The following USO1 variants were observed in gnomAD, a reference collection of about 807,000 sequenced individuals.
USO1 encodes USO1 vesicle transport factor, also known as general vesicular transport factor p115.
A neutral mutation model predicts 124.5 loss-of-function variants in USO1; 57 were observed. The ratio of observed to expected loss-of-function variants is 0.46; its 90% CI spans 0.37 to 0.57. USO1 has a LOEUF of 0.57. Among genes scored for constraint, USO1 ranks in the 20% least tolerant of loss-of-function variants. The pLI is 0.00. For synonymous variants in USO1, 369 were observed against 362.8 expected (o/e 1.02, Z -0.19); for missense variants, 900 against 1,040.6 (o/e 0.86, Z 1.86).
intron 13 of USO1, among the ~76,000 whole-genome samples, chr4:75,798,387 G>A (rs146398422): frequency 1.5e-3 from 235 of 152,226 alleles, no homozygotes; most frequent in African/African-American, 4.9e-3. Context: ...TTTGTAACTC[G>A]AGTAGTTGTA....
chr4:75,724,655 G>C lies in USO1; in HGVS notation c.-165G>C, dbSNP rs1720331939. ...CGCATCTTGGCCGCTGCTGGCGGCT[G>C]TTTCCGGGCTTAGAGGGCTGGAGTG... On this transcript the variant is annotated 5_prime_UTR_variant, in exon 1 of 24. Coordinates refer to ENST00000514213, the MANE Select transcript of USO1 (RefSeq NM_003715.4). The C allele has an allele frequency of 1.6e-6, 1 of 644,756 alleles. No homozygotes were observed. Among genetic ancestry groups the C allele is most frequent in the Non-Finnish European group, 2.6e-6 (1 of 378,674 alleles). The allele number at this position is 644,756 out of a possible 1,614,324, so 39.9% of individuals were successfully genotyped here.
Position 75,776,182 on chromosome 4 carries a change from G to A in USO1, c.676+1386G>A, listed in dbSNP as rs569821968. 5.9e-5 allele frequency among the ~76,000 whole-genome samples: 9 copies of A among 152,266 alleles called. No individual in the cohort carries two copies. The South Asian group carries it at 1.2e-3, about 21-fold the overall frequency. ...GGGAACAGGAGATTTTATGAGAGTA[G>A]AGGAACTATGGTCTCTCGAAAGTAC... On this transcript the variant is annotated intron_variant, in intron 8 of 23. Transcript: ENST00000514213.
chr4:75,755,178 G>T (rs1422048380), intron 3 of USO1, among the ~76,000 whole-genome samples: 3 of 152,212 alleles, frequency 2.0e-5, no homozygotes, highest in Admixed American at 6.5e-5. Context: ...TCAATCTCCA[G>T]AGTCATGTAC....
chr4:75,738,129 G>A (rs1720848676), intron 1 of USO1, among the ~76,000 whole-genome samples: 1 of 151,786 alleles, frequency 6.6e-6, no homozygotes, highest in African/African-American at 2.4e-5. Context: ...CATTGGGCCT[G>A]GCTAATACAC....
intron 3 of USO1, among the ~76,000 whole-genome samples, chr4:75,753,709 C>T (rs1296298735): frequency 1.3e-5 from 2 of 151,734 alleles, no homozygotes; most frequent in Non-Finnish European, 2.9e-5. Flanking sequence ...CAGAGTGAGA[C>T]CTTGTCTTGA....
intron 18 of USO1, among the ~76,000 whole-genome samples, chr4:75,804,508 C>A (rs1318088562): frequency 6.6e-6 from 1 of 152,146 alleles, no homozygotes; most frequent in Non-Finnish European, 1.5e-5. Context: ...CATTGATTCT[C>A]AACCCTGGCT....
chr4:75,801,017 C>T, intron 16 of USO1, 62 bp from the exon 17 acceptor site: 3 of 1,421,544 alleles, frequency 2.1e-6, no homozygotes, highest in Non-Finnish European at 2.8e-6. Context: ...TTTACTAAGT[C>T]TTAGTAGTAA....
In USO1 at chr4:75,747,065, A is replaced by T. The variant is rs147835564; in HGVS notation, c.67-5308A>T. Among the ~76,000 whole-genome samples, 527 of 152,308 alleles carry T rather than the reference A, an allele frequency of 3.5e-3. 1 individual carries two copies. Among genetic ancestry groups the T allele is most frequent in the African/African-American group, 0.012 (479 of 41,574 alleles). ...TGTATTATTTCATTTAATATCTAAG[A>T]CATCCTCTATATCATATAGGGGAGG... On this transcript the variant is annotated intron_variant, in intron 1 of 23. Transcript: ENST00000514213.
chr4:75,780,613 A>C (rs1466451253), intron 8 of USO1, among the ~76,000 whole-genome samples: 2 of 144,426 alleles, frequency 1.4e-5, no homozygotes, highest in African/African-American at 5.1e-5. Context: ...TGCATTTTGC[A>C]GCCCATGGAT....
chr4:75,761,501 A>T (rs1323262918), intron 4 of USO1, among the ~76,000 whole-genome samples: 1 of 152,236 alleles, frequency 6.6e-6, no homozygotes, highest in African/African-American at 2.4e-5. Context: ...ATTCAGTAAG[A>T]ACTGGAAGGT....
At position 75,800,608 on chromosome 4, in the gene USO1, A is replaced by T. The variant is rs1181176721; in HGVS notation, c.1683-10A>T. On this transcript the variant is annotated splice_polypyrimidine_tract_variant and intron_variant, in intron 15 of 23. Transcript: ENST00000514213. ...TTTTTTAAAGCATCTCAATATGCTT[A>T]TCTCCGTAGAGAGAAGCTAAAACAA... 6 of 1,538,118 alleles carry T rather than the reference A, an allele frequency of 3.9e-6. No homozygotes were observed. The highest frequency in any genetic ancestry group is 5.2e-6 in the Non-Finnish European group (6 of 1,151,562).
Position 75,800,453 on chromosome 4 carries a change from C to G in USO1, c.1666C>G (p.Leu556Val), listed in dbSNP as rs1352224664. 6.3e-7 allele frequency: 1 copy of G among 1,590,780 alleles called. No homozygotes were observed. The highest frequency in any genetic ancestry group is 1.1e-5 in the South Asian group (1 of 88,164). ...GISIYFNDNS[L>V]ESYMKEKLKQ... is the part of the protein sequence containing the mutation. ...TTCGATTTATTTCAATGATAACTCA[C>G]TTGAGAGCTACATGAAGTAAGTAAG... The change falls in exon 15 of 24, where the codon CTT becomes GTT. Residue 556 changes from leucine (L) to valine (V), a missense_variant. Physicochemically the swap from Leu to Val is conservative, Grantham distance 32. This residue lies in a region of USO1 where 538 missense variants were observed against 681.6 expected (regional missense o/e 0.79). Coordinates refer to ENST00000514213, the MANE Select transcript of USO1 (RefSeq NM_003715.4).
chr4:75,781,137 G>A (rs1010927232), intron 8 of USO1, among the ~76,000 whole-genome samples: 2 of 152,064 alleles, frequency 1.3e-5, no homozygotes, highest in East Asian at 3.9e-4. Flanking sequence ...CAGGAGTTTG[G>A]AAGAAGTTGA....
chr4:75,754,383 C>T (rs960020735), intron 3 of USO1, among the ~76,000 whole-genome samples: 1 of 152,146 alleles, frequency 6.6e-6, no homozygotes, highest in Non-Finnish European at 1.5e-5. Flanking sequence ...ACACCTGGCC[C>T]TCAATTTCTT....
intron 4 of USO1, chr4:75,760,710 C>T (rs1463376556): frequency 2.5e-6 from 1 of 392,258 alleles, no homozygotes; most frequent in Admixed American, 4.4e-5. Context: ...AAAAAAAAAT[C>T]TGAAATTTGT....
intron 17 of USO1, among the ~76,000 whole-genome samples, chr4:75,801,896 T>A (rs1722861701): frequency 6.6e-6 from 1 of 152,242 alleles, no homozygotes; most frequent in African/African-American, 2.4e-5. Flanking sequence ...CTCGGCTCAC[T>A]GCAACCTCCG....
intron 1 of USO1, chr4:75,745,215 T>A: frequency 3.3e-6 from 1 of 303,004 alleles, no homozygotes; most frequent in South Asian, 3.0e-5. Flanking sequence ...TTCTTTTTTA[T>A]ATATATATAT....
At chr4:75,807,643 A>C (rs971142515) in intron 20 of USO1, among the ~76,000 whole-genome samples, 1 of 151,658 alleles carries the variant, frequency 6.6e-6, no homozygotes, top group Non-Finnish European at 1.5e-5. Context: ...ACAATGTTTT[A>C]TTTGTGTGGG....
chr4:75,724,812 A>G lies in USO1; in HGVS notation c.-8A>G. On this transcript the variant is annotated 5_prime_UTR_variant, in exon 1 of 24. Coordinates refer to ENST00000514213, the MANE Select transcript of USO1 (RefSeq NM_003715.4). ...AGGGGCCGGTAAACCTGGTGGCTGA[A>G]CGGCAAGATGAATTTCCTCCGCGGG... 6.2e-7 allele frequency: 1 copy of G among 1,613,766 alleles called. No homozygotes were observed.
Sources: gnomAD v4.1 joint callset for allele counts (sites outside exome capture counted in the v4.1 genomes callset) on GRCh38, gnomAD v4.1.1 for gene constraint, gnomAD v4.1.1 regional missense constraint, MANE v1.5 for transcripts, NCBI Gene and HGNC (gene_info 2026-07-23, HGNC 2026-07-21) for gene names.